Variants in ENAH observed in about 807,000 individuals in gnomAD.
The protein encoded by ENAH is ENAH actin regulator, also known as protein enabled homolog.
ENAH carries 23 observed loss-of-function variants against 78.7 expected under a neutral mutation model. The observed-to-expected ratio is 0.29, with a 90% CI of 0.21 to 0.41. The LOEUF (loss-of-function observed/expected upper bound fraction) is 0.41. Ranked by LOEUF, ENAH falls within the 10% of genes least tolerant of loss-of-function variation. ENAH has a pLI of 1.00. For synonymous variants in ENAH, 226 were observed against 241.0 expected, an observed-to-expected ratio of 0.94 and a Z score of 0.58; for missense variants, 544 against 691.0, an observed-to-expected ratio of 0.79 and a Z score of 2.39.
intron 1 of ENAH, among the ~76,000 whole-genome samples, chr1:225,643,980 T>A (rs980943398): frequency 1.3e-5 from 2 of 152,070 alleles, no homozygotes; most frequent in Non-Finnish European, 2.9e-5. Flanking sequence ...ATATTATATA[T>A]ATGGAAAGGG....
Position 225,489,514 on chromosome 1 carries a change from T to C in ENAH, c.*8261A>G, listed in dbSNP as rs1378145318. 2 of 152,150 alleles carry C rather than the reference T, an allele frequency of 1.3e-5. No homozygotes were observed. Among genetic ancestry groups the C allele is most frequent in the African/African-American group, 4.8e-5 (2 of 41,428 alleles). 9.4% of individuals were successfully genotyped at this position (152,150 alleles called of 1,614,324 possible). On this transcript the variant is annotated 3_prime_UTR_variant, in exon 14 of 14. Transcript: ENST00000366843. ...ACTATAAAACAACTAAAAGCTGCAC[T>C]TAAGATGGGAGAGCCAAACTCAGAT...
chr1:225,626,922 G>A (rs1658049118), intron 1 of ENAH, among the ~76,000 whole-genome samples: 1 of 152,180 alleles, frequency 6.6e-6, no homozygotes, highest in Admixed American at 6.5e-5. Flanking sequence ...GCTGACATAT[G>A]AGACACTAAA....
chr1:225,538,067 TAAAG>T (rs2096570752), intron 3 of ENAH, among the ~76,000 whole-genome samples: 1 of 152,170 alleles, frequency 6.6e-6, no homozygotes, highest in South Asian at 2.1e-4. Flanking sequence ...GATGTTTGCT[TAAAG>T]ACTGGCTTGA....
At position 225,554,894 on chromosome 1, in the gene ENAH, TG is replaced by T. The variant is rs774570298; in HGVS notation, c.349+11del. 4 of 1,505,350 alleles carry T rather than the reference TG, an allele frequency of 2.7e-6. No individual in the cohort carries two copies. Among genetic ancestry groups the T allele is most frequent in the Non-Finnish European group, 2.7e-6 (3 of 1,107,714 alleles). The allele number at this position is 1,505,350 out of a possible 1,614,324, so 93.2% of individuals were successfully genotyped here. ...AAAGAAAGAAAATACAAATAAACCA[TG>T]GGCACCTTACCTGTTTCCTGTGAAT... On this transcript the variant is annotated intron_variant, in intron 3 of 13. Transcript: ENST00000366843.
At chr1:225,579,370 GTTTAT>G (rs1218966564) in intron 1 of ENAH, among the ~76,000 whole-genome samples, 9 of 151,964 alleles carry the variant, frequency 5.9e-5, no homozygotes. Flanking sequence ...AATAACCAAG[GTTTAT>G]TTTAAAGGTT....
chr1:225,519,616 T>G (rs1339801798), intron 4 of ENAH, 51 bp from the exon 5 acceptor site: 1 of 1,558,490 alleles, frequency 6.4e-7, no homozygotes, highest in Non-Finnish European at 8.6e-7. Flanking sequence ...CTACTCATCA[T>G]GAAAAAGCGA....
chr1:225,510,521 G>C (rs901094203), intron 10 of ENAH, among the ~76,000 whole-genome samples: 3 of 151,910 alleles, frequency 2.0e-5, no homozygotes, highest in South Asian at 2.1e-4. Flanking sequence ...ACAAACCAGT[G>C]AATTTTTAAT....
chr1:225,640,589 C>T (rs1660851930), intron 1 of ENAH, among the ~76,000 whole-genome samples: 1 of 152,152 alleles, frequency 6.6e-6, no homozygotes, highest in South Asian at 2.1e-4. Context: ...AAACCATGGG[C>T]TCTGGAACCT....
Position 225,568,698 on chromosome 1 carries a change from G to A in ENAH, c.6-1284C>T, listed in dbSNP as rs145715148. 3.2e-4 allele frequency among the ~76,000 whole-genome samples: 49 copies of A among 152,166 alleles called. No individual in the cohort carries two copies. In the East Asian group the frequency reaches 4.0e-3, roughly 13 times the overall value. ...ACCCTCACACTCTCCCCTCTTGCTC[G>A]TGCATCTGCCCCACCTCTTAACCCA... On this transcript the variant is annotated intron_variant, in intron 1 of 13. Coordinates refer to ENST00000366843, the MANE Select transcript of ENAH (RefSeq NM_018212.6).
At chr1:225,498,872 T>C (rs1014598411) in intron 12 of ENAH, among the ~76,000 whole-genome samples, 1 of 152,204 alleles carries the variant, frequency 6.6e-6, no homozygotes, top group Non-Finnish European at 1.5e-5. Context: ...CCAAACCATA[T>C]TTCAAGGAGT....
chr1:225,646,891 T>C (rs2148491793), intron 1 of ENAH, among the ~76,000 whole-genome samples: 1 of 152,302 alleles, frequency 6.6e-6, no homozygotes, highest in East Asian at 1.9e-4. Context: ...AAGAGTATCA[T>C]ACACTACCCA....
chr1:225,558,360 T>G (rs958833857), intron 2 of ENAH, among the ~76,000 whole-genome samples: 3 of 152,168 alleles, frequency 2.0e-5, no homozygotes, highest in African/African-American at 4.8e-5. Flanking sequence ...AACAAAGTTT[T>G]CTTCCTTTTA....
chr1:225,517,440 A>T, intron 5 of ENAH, 134 bp from the exon 6 acceptor site: 2 of 1,551,676 alleles, frequency 1.3e-6, no homozygotes, highest in Non-Finnish European at 1.7e-6. Flanking sequence ...GCGGCGGAGG[A>T]GCTGCTGGCC....
chr1:225,513,092 CA>C (rs2151120270), intron 7 of ENAH, 76 bp from the exon 8 acceptor site: 1 of 1,255,046 alleles, frequency 8.0e-7, no homozygotes, highest in Non-Finnish European at 1.1e-6. Context: ...ACATCTAAAA[CA>C]GAAGGAAACA....
intron 12 of ENAH, among the ~76,000 whole-genome samples, chr1:225,500,499 A>G (rs1003178939): frequency 2.6e-5 from 4 of 152,232 alleles, no homozygotes; most frequent in African/African-American, 9.6e-5. Context: ...GTATACTTCC[A>G]TAATATTTTC....
At position 225,488,493 on chromosome 1, in the gene ENAH, A is replaced by T. The variant is rs1193134436; in HGVS notation, c.*9282T>A. On this transcript the variant is annotated 3_prime_UTR_variant, in exon 14 of 14. Transcript: ENST00000366843. ...ACTTTCAGGATGCTCCTATAAATAC[A>T]GACTCCAGAGAGGTTTCCTCAAAAA... The T allele has an allele frequency of 6.6e-6, 1 of 152,172 alleles. No individual in the cohort carries two copies. The highest frequency in any genetic ancestry group is 1.5e-5 in the Non-Finnish European group (1 of 68,036). The allele number at this position is 152,172 out of a possible 1,614,324, so 9.4% of individuals were successfully genotyped here.
At position 225,603,522 on chromosome 1, in the gene ENAH, A is replaced by T. The variant is rs570810830; in HGVS notation, c.6-36108T>A. Among the ~76,000 whole-genome samples the T allele has an allele frequency of 2.0e-5, 3 of 152,258 alleles. No individual in the cohort carries two copies. In the East Asian group the frequency reaches 5.8e-4, roughly 29 times the overall value. On this transcript the variant is annotated intron_variant, in intron 1 of 13. Coordinates refer to ENST00000366843, the MANE Select transcript of ENAH (RefSeq NM_018212.6). ...AACCGTGCTTTTCTCTTTCTCCAAA[A>T]CTAAGCTCTGTTCATCTTTAAATTC...
chr1:225,596,669 A>C (rs1251985886), intron 1 of ENAH, among the ~76,000 whole-genome samples: 3 of 152,202 alleles, frequency 2.0e-5, no homozygotes, highest in Non-Finnish European at 4.4e-5. Context: ...GCATATATAC[A>C]TTGCTCTAAA....
chr1:225,593,216 G>A (rs1272546369), intron 1 of ENAH, among the ~76,000 whole-genome samples: 22 of 152,108 alleles, frequency 1.4e-4, no homozygotes, highest in Admixed American at 1.4e-3. Context: ...TTTCTCAGGA[G>A]TTTCATAGTT....
Sources: allele counts gnomAD v4.1 joint callset (sites outside exome capture counted in the v4.1 genomes callset), GRCh38; gene constraint gnomAD v4.1.1; transcripts MANE v1.5; gene names NCBI Gene and HGNC (gene_info 2026-07-23, HGNC 2026-07-21).